PBX3: variants seen among roughly 807,000 people sequenced by gnomAD.
PBX3 encodes the protein PBX homeobox 3, also known as pre-B-cell leukemia transcription factor 3.
PBX3 carries 14 observed loss-of-function variants against 48.5 expected under a neutral mutation model. The observed-to-expected ratio is 0.29, with a 90% CI of 0.19 to 0.45. PBX3 has a LOEUF of 0.45. PBX3 is among the 20% of genes least tolerant of loss of function. The pLI, the probability that PBX3 is intolerant of heterozygous loss-of-function variation, is 1.00. For synonymous variants in PBX3, 210 were observed against 200.3 expected (o/e 1.05, Z -0.41); for missense variants, 386 against 546.7 (o/e 0.71, Z 2.93).
chr9:125,919,549 C>T (rs1218723619), intron 3 of PBX3, among the ~76,000 whole-genome samples: 1 of 151,912 alleles, frequency 6.6e-6, no homozygotes, highest in Non-Finnish European at 1.5e-5. Context: ...TATATTTTTC[C>T]TCCTAAAAGT....
rs369882718 is a variant in PBX3 at position 125,963,092 on chromosome 9, T to C, written c.1203T>C (p.His401=). The change falls in exon 8 of 9, where the codon CAT becomes CAC. Residue 401 remains histidine, a synonymous_variant. Coordinates refer to ENST00000373489, the MANE Select transcript of PBX3 (RefSeq NM_006195.6). Reference sequence around the variant, plus strand: ...GAGGAAATTCACTGTACAGTCCACATAATTTAAATGTGAGTACTCTGGGGA... The same window carrying C: ...GAGGAAATTCACTGTACAGTCCACACAATTTAAATGTGAGTACTCTGGGGA... ...GLGGNSLYSP[H]NLNANGGWQD... 229 of 1,588,098 alleles carry C rather than the reference T, an allele frequency of 1.4e-4. No homozygotes were observed. The highest frequency in any genetic ancestry group is 1.9e-4 in the Non-Finnish European group (222 of 1,158,834).
At chr9:125,926,404 C>T (rs1396243344) in intron 3 of PBX3, among the ~76,000 whole-genome samples, 2 of 151,990 alleles carry the variant, frequency 1.3e-5, no homozygotes, top group Admixed American at 6.6e-5. Context: ...CCTGTAATCC[C>T]AGCTACTTGG....
At chr9:125,793,248 A>T (rs1268712042) in intron 2 of PBX3, among the ~76,000 whole-genome samples, 1 of 149,996 alleles carries the variant, frequency 6.7e-6, no homozygotes, top group Non-Finnish European at 1.5e-5. Flanking sequence ...GCTACTCGGG[A>T]TGCTGAGGCG....
At chr9:125,806,265 G>A (rs1254811339) in intron 2 of PBX3, among the ~76,000 whole-genome samples, 1 of 152,158 alleles carries the variant, frequency 6.6e-6, no homozygotes, top group Admixed American at 6.5e-5. Context: ...GAGGAACAGT[G>A]AAGAGACTAG....
At chr9:125,761,590 C>T (rs1836669219) in intron 2 of PBX3, among the ~76,000 whole-genome samples, 1 of 151,748 alleles carries the variant, frequency 6.6e-6, no homozygotes. Flanking sequence ...CTACAGGGCC[C>T]CACTCATCTC....
chr9:125,924,643 T>C (rs572575485), intron 3 of PBX3, among the ~76,000 whole-genome samples: 2 of 152,288 alleles, frequency 1.3e-5, no homozygotes, highest in East Asian at 1.9e-4. Flanking sequence ...AAAGTACAGG[T>C]TTACTGAATT....
intron 4 of PBX3, among the ~76,000 whole-genome samples, chr9:125,932,145 T>A (rs193159170): frequency 6.6e-6 from 1 of 152,342 alleles, no homozygotes; most frequent in East Asian, 1.9e-4. Context: ...CTAAGCTGGT[T>A]ACCAGTAATG....
intron 5 of PBX3, among the ~76,000 whole-genome samples, chr9:125,943,678 C>G (rs559674511): frequency 2.0e-5 from 3 of 152,114 alleles, no homozygotes; most frequent in African/African-American, 7.2e-5. Context: ...ATGTCACACT[C>G]AAACTGGAAT....
At chr9:125,867,825 C>CAT (rs112380512) in intron 2 of PBX3, among the ~76,000 whole-genome samples, 9 of 151,168 alleles carry the variant, frequency 6.0e-5, no homozygotes, top group South Asian at 4.2e-4. Flanking sequence ...TATACACATA[C>CAT]ATATATATAT....
At chr9:125,873,335 T>C (rs762845218) in intron 2 of PBX3, among the ~76,000 whole-genome samples, 2 of 152,150 alleles carry the variant, frequency 1.3e-5, no homozygotes, top group Non-Finnish European at 2.9e-5. Flanking sequence ...AATTTAATAA[T>C]ACAATTAACA....
chr9:125,952,756 C>T (rs900711605), intron 5 of PBX3, among the ~76,000 whole-genome samples: 8 of 152,140 alleles, frequency 5.3e-5, no homozygotes, highest in Admixed American at 6.5e-5. Flanking sequence ...CTCTCCAGTG[C>T]TTTTTCTGTT....
At chr9:125,785,056 A>T (rs1837423535) in intron 2 of PBX3, among the ~76,000 whole-genome samples, 1 of 152,248 alleles carries the variant, frequency 6.6e-6, no homozygotes, top group African/African-American at 2.4e-5. Flanking sequence ...CTTTTGCCCC[A>T]GGTGGCTGCA....
intron 2 of PBX3, among the ~76,000 whole-genome samples, chr9:125,876,245 A>T (rs962461881): frequency 7.9e-5 from 12 of 152,180 alleles, no homozygotes; most frequent in African/African-American, 2.7e-4. Context: ...AATGACAGTT[A>T]TTTAAGAATG....
At chr9:125,801,769 T>G (rs924356852) in intron 2 of PBX3, among the ~76,000 whole-genome samples, 8 of 138,722 alleles carry the variant, frequency 5.8e-5, no homozygotes, top group African/African-American at 8.3e-5. Context: ...TCTTAAATGT[T>G]TATATGAACA....
At chr9:125,792,701 A>ATT (rs11410616) in intron 2 of PBX3, among the ~76,000 whole-genome samples, 1,898 of 142,264 alleles carry the variant, frequency 0.013, 20 homozygotes, top group Non-Finnish European at 0.015. Context: ...GGTATACTTA[A>ATT]TTTTTTTTTT....
At chr9:125,889,711 GC>G (rs1384877885) in intron 2 of PBX3, among the ~76,000 whole-genome samples, 1 of 151,566 alleles carries the variant, frequency 6.6e-6, no homozygotes, top group Non-Finnish European at 1.5e-5. Context: ...TGCAGTCAGG[GC>G]GGTGAGAATT....
chr9:125,960,491 C>T (rs1842404857), intron 5 of PBX3, among the ~76,000 whole-genome samples, 193 bp from the exon 6 acceptor site: 1 of 152,126 alleles, frequency 6.6e-6, no homozygotes, highest in South Asian at 2.1e-4. Flanking sequence ...AGCGTTATTC[C>T]AAAAGAATGT....
At chr9:125,748,044 C>T in intron 1 of PBX3, 1 of 165,328 alleles carries the variant, frequency 6.0e-6, no homozygotes. Flanking sequence ...CGCGGGACGA[C>T]CTCGCGATGC....
intron 2 of PBX3, among the ~76,000 whole-genome samples, chr9:125,754,351 C>T (rs73667050): frequency 0.039 from 5,916 of 152,150 alleles, 406 homozygotes; most frequent in African/African-American, 0.13. Flanking sequence ...CAAGCATTTG[C>T]TCTACTTCAG....
Sources: gnomAD v4.1 joint callset for allele counts (sites outside exome capture counted in the v4.1 genomes callset) on GRCh38, gnomAD v4.1.1 for gene constraint, MANE v1.5 for transcripts, NCBI Gene and HGNC (gene_info 2026-07-23, HGNC 2026-07-21) for gene names.